Variants in ACAP2 observed in about 807,000 individuals in gnomAD.
ACAP2 encodes the protein ArfGAP with coiled-coil, ankyrin repeat and PH domains 2, also known as arf-GAP with coiled-coil, ANK repeat and PH domain-containing protein 2.
Under a neutral mutation model 115.8 loss-of-function variants are expected in ACAP2, and 39 were observed. The observed-to-expected ratio is 0.34, with a 90% CI of 0.26 to 0.44. The LOEUF (loss-of-function observed/expected upper bound fraction) is 0.44, where lower values mean the gene tolerates loss of function less well. Ranked by LOEUF, ACAP2 falls within the 20% of genes least tolerant of loss-of-function variation. The pLI is 1.00. For missense variants in ACAP2, 662 were observed against 927.6 expected (o/e 0.71, Z 3.72); for synonymous variants, 289 against 315.8 (o/e 0.92, Z 0.90).
At chr3:195,426,932 G>A (rs550128928) in intron 1 of ACAP2, among the ~76,000 whole-genome samples, 10 of 148,164 alleles carry the variant, frequency 6.7e-5, no homozygotes, top group South Asian at 2.2e-4. Flanking sequence ...AATGCCCCCC[G>A]CCACCCGCCC....
intron 2 of ACAP2, among the ~76,000 whole-genome samples, chr3:195,383,137 T>C (rs1734059253): frequency 6.6e-6 from 1 of 152,170 alleles, no homozygotes. Context: ...GTCTTTTAAA[T>C]TGTTTGCTAT....
intron 4 of ACAP2, among the ~76,000 whole-genome samples, chr3:195,370,811 G>A (rs1351988831): frequency 6.6e-6 from 1 of 152,106 alleles, no homozygotes; most frequent in Non-Finnish European, 1.5e-5. Flanking sequence ...AATTAGCCAG[G>A]TATGGTGGTG....
intron 4 of ACAP2, among the ~76,000 whole-genome samples, chr3:195,352,241 T>C (rs74361334): frequency 0.021 from 3,259 of 152,274 alleles, 112 homozygotes; most frequent in East Asian, 0.1. Flanking sequence ...AGCAATAGAC[T>C]ACACCACGTA....
intron 1 of ACAP2, among the ~76,000 whole-genome samples, chr3:195,423,157 GA>G (rs535696984): frequency 2.2e-4 from 32 of 145,844 alleles, no homozygotes; most frequent in Non-Finnish European, 3.6e-4. Context: ...AAATGATTCA[GA>G]AAAAAAAAAG....
chr3:195,373,281 T>A (rs1005874983), intron 4 of ACAP2, among the ~76,000 whole-genome samples: 1 of 152,046 alleles, frequency 6.6e-6, no homozygotes, highest in Non-Finnish European at 1.5e-5. Flanking sequence ...AGTAAAATAT[T>A]TTACAGAGGA....
intron 1 of ACAP2, among the ~76,000 whole-genome samples, chr3:195,424,915 T>TAAAA (rs34038109): frequency 1.8e-4 from 10 of 55,646 alleles, no homozygotes; most frequent in African/African-American, 6.4e-4. Context: ...GACCCTGTCT[T>TAAAA]AAAAAAAAAA....
chr3:195,367,199 C>T (rs1732789385), intron 4 of ACAP2, among the ~76,000 whole-genome samples: 1 of 152,166 alleles, frequency 6.6e-6, no homozygotes, highest in Admixed American at 6.5e-5. Flanking sequence ...TGCTAGCTCC[C>T]AGACACAGCT....
At chr3:195,367,000 C>G (rs546842898) in intron 4 of ACAP2, among the ~76,000 whole-genome samples, 30 of 136,166 alleles carry the variant, frequency 2.2e-4, no homozygotes, top group African/African-American at 8.3e-4. Flanking sequence ...AATACAGAAA[C>G]AGAAGAGCAT....
At chr3:195,381,479 A>T (rs1310692654) in intron 3 of ACAP2, among the ~76,000 whole-genome samples, 9 of 152,160 alleles carry the variant, frequency 5.9e-5, no homozygotes. Context: ...ATCTAAGCTA[A>T]CCGAGCATAA....
chr3:195,301,526 C>A (rs1465008757), intron 15 of ACAP2, 49 bp downstream of exon 15: 1 of 1,365,634 alleles, frequency 7.3e-7, no homozygotes, highest in Non-Finnish European at 1.0e-6. Context: ...CTAAAATCTT[C>A]ACTTTCATGT....
In ACAP2 at chr3:195,392,163, A is replaced by G. The variant is rs778759837; in HGVS notation, c.54-16T>C. The G allele has an allele frequency of 1.3e-6, 2 of 1,598,090 alleles. No homozygotes were observed. Among genetic ancestry groups the G allele is most frequent in the Middle Eastern group, 1.7e-4 (1 of 6,032 alleles). ...CAAAGCTGCCCTAGAAAAATTAAAT[A>G]TAAAATAAGTTATTTCGTTTGTTTA... On this transcript the variant is annotated splice_polypyrimidine_tract_variant and intron_variant, in intron 1 of 22. Transcript: ENST00000326793.
intron 2 of ACAP2, among the ~76,000 whole-genome samples, chr3:195,389,045 A>T (rs115086089): frequency 0.12 from 16,360 of 137,410 alleles, 1,526 homozygotes; most frequent in East Asian, 0.53. Context: ...ATTAAAAATT[A>T]AAAAAAAAAA....
chr3:195,391,474 T>C (rs984757839), intron 2 of ACAP2, among the ~76,000 whole-genome samples: 1 of 151,436 alleles, frequency 6.6e-6, no homozygotes, highest in Non-Finnish European at 1.5e-5. Context: ...GATCCGCCCA[T>C]CTCAGCCTCC....
chr3:195,352,996 G>A (rs1731711359), intron 4 of ACAP2, among the ~76,000 whole-genome samples: 1 of 150,600 alleles, frequency 6.6e-6, no homozygotes, highest in East Asian at 2.0e-4. Flanking sequence ...CACAAGAATC[G>A]CTTCAACCTG....
At chr3:195,412,919 A>C (rs1360667659) in intron 1 of ACAP2, 2 of 456,286 alleles carry the variant, frequency 4.4e-6, no homozygotes, top group Admixed American at 4.7e-5. Context: ...CACGGCATCT[A>C]AGTGAAGGAA....
At chr3:195,388,170 T>C (rs1734423494) in intron 2 of ACAP2, among the ~76,000 whole-genome samples, 1 of 152,210 alleles carries the variant, frequency 6.6e-6, no homozygotes, top group African/African-American at 2.4e-5. Flanking sequence ...ACTACTAGGC[T>C]ATGCTCCCCA....
chr3:195,439,127 T>C (rs538318546), intron 1 of ACAP2, among the ~76,000 whole-genome samples: 58 of 148,654 alleles, frequency 3.9e-4, no homozygotes, highest in African/African-American at 1.3e-3. Context: ...TGGTGTATGA[T>C]AGACATTGTT....
At chr3:195,316,893 A>ATTTT (rs60184290) in intron 10 of ACAP2, among the ~76,000 whole-genome samples, 5 of 53,882 alleles carry the variant, frequency 9.3e-5, no homozygotes, top group Non-Finnish European at 1.0e-4. Context: ...ATGTCAGTGA[A>ATTTT]TTTTTTTTTT....
chr3:195,308,983 A>G (rs1297562525), intron 10 of ACAP2, 146 bp from the exon 11 acceptor site: 1 of 698,070 alleles, frequency 1.4e-6, no homozygotes, highest in Admixed American at 3.5e-5. Flanking sequence ...CTTTATATAA[A>G]CTGATTCTAA....
Sources: gnomAD v4.1 joint callset for allele counts (sites outside exome capture counted in the v4.1 genomes callset) on GRCh38, gnomAD v4.1.1 for gene constraint, MANE v1.5 for transcripts, NCBI Gene and HGNC (gene_info 2026-07-23, HGNC 2026-07-21) for gene names.